The following POLD3 variants were observed in gnomAD, a reference collection of about 807,000 sequenced individuals.
The protein encoded by POLD3 is DNA polymerase delta subunit 3.
Under a neutral mutation model 58.2 loss-of-function variants are expected in POLD3, and 19 were observed. The observed-to-expected ratio is 0.33, with a 90% CI of 0.23 to 0.48. The LOEUF (loss-of-function observed/expected upper bound fraction) is 0.48, where lower values mean the gene tolerates loss of function less well. Ranked by LOEUF, POLD3 falls within the 20% of genes least tolerant of loss-of-function variation. The pLI is 0.99. For missense variants in POLD3, 504 were observed against 545.5 expected (o/e 0.92, Z 0.76); for synonymous variants, 172 against 193.5 (o/e 0.89, Z 0.92).
At chr11:74,598,129 A>G (rs949471834) in intron 2 of POLD3, among the ~76,000 whole-genome samples, 2 of 152,196 alleles carry the variant, frequency 1.3e-5, no homozygotes, top group Non-Finnish European at 2.9e-5. Flanking sequence ...AAAATGCTTT[A>G]GTTCCTACAG....
Position 74,640,855 on chromosome 11 carries a change from G to A in POLD3, c.*89G>A. The A allele has an allele frequency of 2.2e-6, 3 of 1,380,698 alleles. No homozygotes were observed. The highest frequency in any genetic ancestry group is 2.8e-6 in the Non-Finnish European group (3 of 1,063,550). The allele number at this position is 1,380,698 out of a possible 1,614,324, so 85.5% of individuals were successfully genotyped here. On this transcript the variant is annotated 3_prime_UTR_variant, in exon 12 of 12. Coordinates refer to ENST00000263681, the MANE Select transcript of POLD3 (RefSeq NM_006591.3). ...CTCACTTACTATGTAAGTTCATCTAGATCTCCACCTCACCTGTATCAAAAG... is the reference window on the plus strand; with the variant it reads ...CTCACTTACTATGTAAGTTCATCTAAATCTCCACCTCACCTGTATCAAAAG...
intron 3 of POLD3, among the ~76,000 whole-genome samples, chr11:74,606,141 A>C (rs1197606552): frequency 6.6e-6 from 1 of 152,200 alleles, no homozygotes; most frequent in African/African-American, 2.4e-5. Flanking sequence ...CTATCCTTAT[A>C]CTCTCTAGCC....
chr11:74,604,669 G>T (rs2031615593), intron 2 of POLD3, 23 bp from the exon 3 acceptor site: 2 of 1,270,714 alleles, frequency 1.6e-6, no homozygotes, highest in Non-Finnish European at 2.3e-6. Flanking sequence ...TGTCTTACTT[G>T]TGCCTTCTTT....
rs2032930697 is a variant in POLD3 at position 74,642,186 on chromosome 11, T to C, written c.*1420T>C. ...GCTGACTTTGGGATTAACATGAGCT[T>C]CTTTAGCAACCAAGCATGAACTTGA... On this transcript the variant is annotated 3_prime_UTR_variant, in exon 12 of 12. Coordinates refer to ENST00000263681, the MANE Select transcript of POLD3 (RefSeq NM_006591.3). 1.0e-6 allele frequency: 1 copy of C among 985,350 alleles called. No individual in the cohort carries two copies. Among genetic ancestry groups the C allele is most frequent in the African/African-American group, 1.7e-5 (1 of 57,234 alleles). 61.0% of individuals were successfully genotyped at this position (985,350 alleles called of 1,614,324 possible).
At position 74,642,219 on chromosome 11, in the gene POLD3, C is replaced by T; in HGVS notation, c.*1453C>T. On this transcript the variant is annotated 3_prime_UTR_variant, in exon 12 of 12. Coordinates refer to ENST00000263681, the MANE Select transcript of POLD3 (RefSeq NM_006591.3). The stretch of plus-strand genomic sequence containing the variant: ...AACCAAGCATGAACTTGATTAAGAC[C>T]AGAAGTTTGGGAGATGAGTCCTGGC... The T allele has an allele frequency of 1.0e-6, 1 of 985,344 alleles. No individual in the cohort carries two copies. The highest frequency in any genetic ancestry group is 1.2e-6 in the Non-Finnish European group (1 of 829,922). The allele number at this position is 985,344 out of a possible 1,614,324, so 61.0% of individuals were successfully genotyped here.
At chr11:74,660,320 C>T (rs1179784311) in intron 4 of POLD3, among the ~76,000 whole-genome samples, 2 of 152,122 alleles carry the variant, frequency 1.3e-5, no homozygotes, top group Non-Finnish European at 2.9e-5. Flanking sequence ...ATAGCCAAAC[C>T]GTATCAGTAT....
chr11:74,605,410 C>G (rs1205171141), intron 3 of POLD3, among the ~76,000 whole-genome samples: 2 of 152,148 alleles, frequency 1.3e-5, no homozygotes, highest in Non-Finnish European at 2.9e-5. Context: ...ATTTTCATGT[C>G]CCTCTCAGGG....
At chr11:74,630,463 C>T (rs1255601107) in intron 9 of POLD3, among the ~76,000 whole-genome samples, 2 of 152,308 alleles carry the variant, frequency 1.3e-5, no homozygotes, top group East Asian at 3.9e-4. Context: ...TTCTACCATT[C>T]ATGCTATGTG....
chr11:74,629,014 T>A, intron 8 of POLD3: 1 of 390,238 alleles, frequency 2.6e-6, no homozygotes, highest in East Asian at 4.0e-5. Flanking sequence ...AGAACTTTTT[T>A]ATTCAAGTCA....
intron 4 of POLD3, among the ~76,000 whole-genome samples, chr11:74,612,326 A>C (rs2031941514): frequency 6.6e-6 from 1 of 152,172 alleles, no homozygotes; most frequent in Non-Finnish European, 1.5e-5. Flanking sequence ...ATGATCTACT[A>C]TGTGCCAAGC....
intron 5 of POLD3, among the ~76,000 whole-genome samples, chr11:74,614,468 T>C (rs1392542996): frequency 6.6e-6 from 1 of 152,196 alleles, no homozygotes; most frequent in African/African-American, 2.4e-5. Context: ...CCCAGCACTT[T>C]GGGAGGCCGA....
At position 74,592,639 on chromosome 11, in the gene POLD3, G is replaced by A. The variant is rs754476293; in HGVS notation, c.-20G>A. The A allele has an allele frequency of 9.4e-6, 15 of 1,603,992 alleles. No individual in the cohort carries two copies. Among genetic ancestry groups the A allele is most frequent in the South Asian group, 8.8e-5 (8 of 90,460 alleles). On this transcript the variant is annotated 5_prime_UTR_variant, in exon 1 of 12. Transcript: ENST00000263681. Reference sequence around the variant, plus strand: ...GTGATTGAGAGAGGGGTTAGAGGCGGGTCCCAGCGCTGCCGCACCATGGCG... The same window carrying A: ...GTGATTGAGAGAGGGGTTAGAGGCGAGTCCCAGCGCTGCCGCACCATGGCG...
chr11:74,623,737 G>C (rs2032338953), intron 7 of POLD3, among the ~76,000 whole-genome samples: 1 of 152,152 alleles, frequency 6.6e-6, no homozygotes, highest in African/African-American at 2.4e-5. Context: ...GTGTTTTCTT[G>C]AGTATAAAAA....
chr11:74,642,583 T>A lies in POLD3; in HGVS notation c.*1817T>A, dbSNP rs541365108. 1.0e-6 allele frequency: 1 copy of A among 985,350 alleles called. No individual in the cohort carries two copies. Among genetic ancestry groups the A allele is most frequent in the Non-Finnish European group, 1.2e-6 (1 of 829,848 alleles). 61.0% of individuals were successfully genotyped at this position (985,350 alleles called of 1,614,324 possible). A position where few individuals can be genotyped will look rare whatever the true frequency, so the allele number is the denominator to read the frequency against. ...ATCTTGCAAGGGATAATACAAATCC[T>A]ATGATCTCTATGCCCAATATGCTGC... is the stretch of plus-strand genomic sequence containing the variant. On this transcript the variant is annotated 3_prime_UTR_variant, in exon 12 of 12. Transcript: ENST00000263681.
chr11:74,598,590 A>G (rs888791519), intron 2 of POLD3, among the ~76,000 whole-genome samples: 1 of 152,198 alleles, frequency 6.6e-6, no homozygotes, highest in Non-Finnish European at 1.5e-5. Flanking sequence ...GAAAGTCTCA[A>G]TAACTGGAAC....
At chr11:74,661,288 T>C (rs1409474926) in intron 4 of POLD3, among the ~76,000 whole-genome samples, 1 of 152,216 alleles carries the variant, frequency 6.6e-6, no homozygotes, top group Non-Finnish European at 1.5e-5. Context: ...ATTGAAGAGT[T>C]AAGTATTCAT....
chr11:74,620,137 A>G (rs1178662033), intron 7 of POLD3, 48 bp downstream of exon 7: 1 of 1,367,856 alleles, frequency 7.3e-7, no homozygotes, highest in South Asian at 1.2e-5. Context: ...ATGTTAATGT[A>G]ATGACATATT....
intron 4 of POLD3, among the ~76,000 whole-genome samples, chr11:74,612,312 A>G (rs1270512067): frequency 1.3e-5 from 2 of 152,152 alleles, no homozygotes; most frequent in African/African-American, 4.8e-5. Flanking sequence ...GTAGATATGT[A>G]ATGATGATCT....
At position 74,637,523 on chromosome 11, in the gene POLD3, ACTGTTGAATTTCTTAATTCAACAGTG is replaced by A. The variant is rs566115548; in HGVS notation, c.1198+1250_1198+1275del. On this transcript the variant is annotated intron_variant, in intron 11 of 11. Coordinates refer to ENST00000263681, the MANE Select transcript of POLD3 (RefSeq NM_006591.3). Reference sequence around the variant, plus strand: ...GCCATGGGTGATAATATATGTGTTTACTGTTGAATTTCTTAATTCAACAGTGCATTTTTTAAATTTAAGAGGACAAA... The same window carrying A: ...GCCATGGGTGATAATATATGTGTTTACATTTTTTAAATTTAAGAGGACAAA... Among the ~76,000 whole-genome samples the A allele has an allele frequency of 9.5e-3, 1,157 of 121,862 alleles. 24 individuals carry two copies. Among genetic ancestry groups the A allele is most frequent in the Non-Finnish European group, 6.5e-3 (406 of 61,998 alleles). The allele number at this position is 121,862 out of a possible 152,430, so 79.9% of individuals were successfully genotyped here.
Sources: allele counts gnomAD v4.1 joint callset (sites outside exome capture counted in the v4.1 genomes callset), GRCh38; gene constraint gnomAD v4.1.1; transcripts MANE v1.5; gene names NCBI Gene and HGNC (gene_info 2026-07-23, HGNC 2026-07-21).